The following RHOC variants were observed in gnomAD, a reference collection of about 807,000 sequenced individuals.
RHOC encodes ras homolog family member C.
A neutral mutation model predicts 19.5 loss-of-function variants in RHOC; 13 were observed. The observed-to-expected ratio is 0.67, with a 90% CI of 0.43 to 1.06. The LOEUF (loss-of-function observed/expected upper bound fraction) is 1.06, where lower values mean the gene tolerates loss of function less well. Among genes scored for constraint, RHOC ranks in the 50% least tolerant of loss-of-function variants. The probability of loss-of-function intolerance (pLI) is 0.00; values close to 1 mark genes in which losing one functional copy is unlikely to be tolerated. For missense variants in RHOC, 173 were observed against 256.9 expected (o/e 0.67, Z 2.23); for synonymous variants, 106 against 97.3 (o/e 1.09, Z -0.52).
chr1:112,706,519 C>CACACACACACAA (rs1674897031), intron 1 of RHOC, among the ~76,000 whole-genome samples: 3 of 90,558 alleles, frequency 3.3e-5, no homozygotes, highest in South Asian at 4.3e-4. Flanking sequence ...CACACACACA[C>CACACACACACAA]ACACACACAC....
Position 112,703,085 on chromosome 1 carries a change from T to C in RHOC, c.191A>G (p.Glu64Gly). ...GAGAGGCCGCAGTCGATCATAGTCT[T>C]CCTGCCCTGCTGTGTCCCACAGAGC... ...ELALWDTAGQ[E>G]DYDRLRPLSY... The change falls in exon 4 of 6, where the codon GAA (glutamate) becomes GGA (glycine). Residue 64 changes from glutamate to glycine, a missense_variant. Glu to Gly is a moderately conservative substitution (Grantham distance 98). Transcript: ENST00000339083. 1 of 1,614,162 alleles carries C rather than the reference T, an allele frequency of 6.2e-7. No individual in the cohort carries two copies. Among genetic ancestry groups the C allele is most frequent in the South Asian group, 1.1e-5 (1 of 91,084 alleles).
At chr1:112,706,271 C>G (rs1674831541) in intron 1 of RHOC, 1 of 152,474 alleles carries the variant, frequency 6.6e-6, no homozygotes. Flanking sequence ...GGAATCCGTT[C>G]TGGAGATACC....
rs746283016 is a variant in RHOC at position 112,703,770 on chromosome 1, G to A, written c.30C>T (p.Ile10=). 5.0e-6 allele frequency: 8 copies of A among 1,612,412 alleles called. No individual in the cohort carries two copies. Among genetic ancestry groups the A allele is most frequent in the African/African-American group, 2.7e-5 (2 of 74,890 alleles). ...TCTTCCCACAGGCACCATCCCCAAC[G>A]ATCACCAGCTTCTTTCGGATTGCAG... MAAIRKKLV[I]VGDGACGKTC... Residue 10 remains isoleucine (I), a synonymous_variant, in exon 3 of 6, where the codon ATC becomes ATT. Transcript: ENST00000339083.
chr1:112,702,486 A>AAGTT (rs1413001459), intron 5 of RHOC, 77 bp downstream of exon 5: 13 of 1,495,044 alleles, frequency 8.7e-6, no homozygotes, highest in Non-Finnish European at 1.2e-5. Context: ...AGCTGGAGAG[A>AAGTT]AGTTCCCTTT....
In RHOC at chr1:112,701,413, G is replaced by A; in HGVS notation, c.*127C>T. On this transcript the variant is annotated 3_prime_UTR_variant, in exon 6 of 6. Coordinates refer to ENST00000339083, the MANE Select transcript of RHOC (RefSeq NM_175744.5). ...CACCTCGGGGCTAGAAAACAATGCA[G>A]TCCTGGGCAGGAGGGAACTGAAAAT... 6.3e-7 allele frequency: 1 copy of A among 1,593,104 alleles called. No homozygotes were observed. The highest frequency in any genetic ancestry group is 8.5e-7 in the Non-Finnish European group (1 of 1,169,780).
chr1:112,701,574 T>TTGCGGACC lies in RHOC; in HGVS notation c.540_547dup (p.Lys183ArgfsTer41), dbSNP rs780441140. On this transcript the variant is annotated frameshift_variant, in exon 6 of 6. Coordinates refer to ENST00000339083, the MANE Select transcript of RHOC (RefSeq NM_175744.5). LOFTEE classifies it high-confidence loss of function. ...GGGACAGCCCCTCCGACGCTTGTTC[T>TTGCGGACC]TGCGGACCTGGAGGCCAGCCCGAGT... is the stretch of plus-strand genomic sequence containing the variant. 4 of 1,613,980 alleles carry TTGCGGACC rather than the reference T, an allele frequency of 2.5e-6. No individual in the cohort carries two copies. Among genetic ancestry groups the TTGCGGACC allele is most frequent in the Non-Finnish European group, 2.5e-6 (3 of 1,179,964 alleles).
intron 2 of RHOC, chr1:112,704,590 G>A (rs1674778291): frequency 5.8e-6 from 1 of 171,550 alleles, no homozygotes; most frequent in Non-Finnish European, 1.3e-5. Flanking sequence ...TCTTCGACAT[G>A]TCACCTCAGG....
At chr1:112,703,235 T>C in intron 3 of RHOC, 116 bp from the exon 4 acceptor site, 1 of 1,106,184 alleles carries the variant, frequency 9.0e-7, no homozygotes, top group Non-Finnish European at 1.3e-6. Flanking sequence ...GCACCTGCTA[T>C]GCACCAGGCA....
At chr1:112,705,340 T>C in intron 1 of RHOC, 172 bp from the exon 2 acceptor site, 1 of 620,380 alleles carries the variant, frequency 1.6e-6, no homozygotes. Flanking sequence ...CCTGTCAAAC[T>C]GGGCTGACTG....
At chr1:112,705,353 C>T in intron 1 of RHOC, 185 bp from the exon 2 acceptor site, 3 of 614,600 alleles carry the variant, frequency 4.9e-6, no homozygotes, top group Non-Finnish European at 8.8e-6. Flanking sequence ...GCTGACTGAA[C>T]GCCTCTACTC....
intron 1 of RHOC, chr1:112,705,561 G>C (rs551990822): frequency 8.5e-6 from 4 of 472,890 alleles, no homozygotes; most frequent in Non-Finnish European, 1.7e-5. Context: ...ACCACAAAAC[G>C]GACTCTCTCT....
At chr1:112,704,908 A>C in intron 2 of RHOC, 192 bp downstream of exon 2, 1 of 601,008 alleles carries the variant, frequency 1.7e-6, no homozygotes. Flanking sequence ...CCCACTCTGG[A>C]ACAGCCCCTT....
rs1298752662 is a variant in RHOC, at chr1:112,703,343, T to C, written c.157-224A>G. 8 of 708,790 alleles carry C rather than the reference T, an allele frequency of 1.1e-5. No homozygotes were observed. The East Asian group carries it at 2.2e-4, about 19-fold the overall frequency. 43.9% of individuals were successfully genotyped at this position (708,790 alleles called of 1,614,324 possible). The stretch of plus-strand genomic sequence containing the variant: ...GAGTTGCCACTGTGAGCACCATTAT[T>C]TTGGTTAATTCTCACAACAACCCTT... On this transcript the variant is annotated intron_variant, in intron 3 of 5. Transcript: ENST00000339083.
chr1:112,706,488 A>ACCCCCACAC (rs1557780761), intron 1 of RHOC, among the ~76,000 whole-genome samples: 27 of 26,038 alleles, frequency 1.0e-3, no homozygotes, highest in African/African-American at 1.1e-3. Context: ...ACACACACAC[A>ACCCCCACAC]CACACACACA....
At chr1:112,707,022 C>T (rs1415101465) in intron 1 of RHOC, 56 bp downstream of exon 1, 1 of 152,080 alleles carries the variant, frequency 6.6e-6, no homozygotes, top group Non-Finnish European at 1.5e-5. Context: ...GGAAAGTGCT[C>T]TCCTGGGGAC....
chr1:112,703,314 C>A, intron 3 of RHOC, 195 bp from the exon 4 acceptor site: 1 of 719,778 alleles, frequency 1.4e-6, no homozygotes, highest in Non-Finnish European at 2.4e-6. Context: ...CGTGTTTGAC[C>A]CTTGAGTTGC....
In RHOC at chr1:112,701,565, C is replaced by G; in HGVS notation, c.557G>C (p.Arg186Pro). 1.9e-6 allele frequency: 3 copies of G among 1,614,092 alleles called. No homozygotes were observed. The highest frequency in any genetic ancestry group is 1.7e-5 in the Admixed American group (1 of 60,026). ...TCAGAGAATGGGACAGCCCCTCCGA[C>G]GCTTGTTCTTGCGGACCTGGAGGCC... Reference protein sequence around the residue: ...RAGLQVRKNKRRRGCPIL With the variant: ...RAGLQVRKNKPRRGCPIL The change falls in exon 6 of 6, where the codon CGT becomes CCT. Residue 186 changes from arginine to proline, a missense_variant. By Grantham distance (103) the Arg-to-Pro change is moderately radical. Around this residue, in one of 2 missense-constraint regions of RHOC, gnomAD observed 81 missense variants for 85.8 expected, o/e 0.94. Transcript: ENST00000339083.
rs1674886501 is a variant in RHOC, at chr1:112,706,492, A to ACAC, written c.-77+583_-77+585dup. On this transcript the variant is annotated intron_variant, in intron 1 of 5. Coordinates refer to ENST00000339083, the MANE Select transcript of RHOC (RefSeq NM_175744.5). Reference sequence around the variant, plus strand: ...CACACACACACACACACACACACACACACACACACACACACACACACACAC... The same window carrying ACAC: ...CACACACACACACACACACACACACACACCACACACACACACACACACACACAC... 1.0e-4 allele frequency among the ~76,000 whole-genome samples: 3 copies of ACAC among 30,004 alleles called. 1 individual carries two copies. The highest frequency in any genetic ancestry group is 2.9e-4 in the African/African-American group (3 of 10,308). 19.7% of individuals were successfully genotyped at this position (30,004 alleles called of 152,430 possible). A position where few individuals can be genotyped will look rare whatever the true frequency, so the allele number is the denominator to read the frequency against.
At chr1:112,704,989 C>T (rs990369492) in intron 2 of RHOC, 111 bp downstream of exon 2, 2 of 663,748 alleles carry the variant, frequency 3.0e-6, no homozygotes, top group Non-Finnish European at 5.5e-6. Flanking sequence ...GAGTCAGCTT[C>T]CCGGGCTTCC....
Sources: gnomAD v4.1 joint callset for allele counts (sites outside exome capture counted in the v4.1 genomes callset) on GRCh38, gnomAD v4.1.1 for gene constraint, gnomAD v4.1.1 regional missense constraint, MANE v1.5 for transcripts, NCBI Gene and HGNC (gene_info 2026-07-23, HGNC 2026-07-21) for gene names.